The following TONSL variants were observed in gnomAD, a reference collection of about 807,000 sequenced individuals.
TONSL encodes the protein tonsoku like, DNA repair protein.
TONSL carries 112 observed loss-of-function variants against 147.1 expected under a neutral mutation model. The observed-to-expected ratio is 0.76, with a 90% confidence interval of 0.65 to 0.89. The LOEUF (loss-of-function observed/expected upper bound fraction) is 0.89, where lower values mean the gene tolerates loss of function less well. TONSL is among the 40% of genes least tolerant of loss of function. The pLI is 0.00. For missense variants in TONSL, 1,883 were observed against 1,864.6 expected (o/e 1.01, Z -0.18); for synonymous variants, 868 against 801.5 (o/e 1.08, Z -1.40).
rs1182659450 is a variant in TONSL at position 144,443,166 on chromosome 8, G to A, written c.420C>T (p.Ser140=). The stretch of plus-strand genomic sequence containing the variant: ...CCAGCTCCTCATCCACAATAGCCAA[G>A]CTCTTCTCAAAGGCAGCCTGTGCCT... ...LLQAQAAFEK[S]LAIVDEELEG... The change falls in exon 4 of 26, where the codon AGC becomes AGT. Residue 140 remains serine (S), a synonymous_variant. Transcript: ENST00000409379. 1.9e-6 allele frequency: 3 copies of A among 1,550,696 alleles called. No homozygotes were observed. In the Admixed American group the frequency reaches 5.9e-5, roughly 30 times the overall value.
At chr8:144,431,029 C>G in intron 24 of TONSL, 49 bp downstream of exon 24, 1 of 1,602,816 alleles carries the variant, frequency 6.2e-7, no homozygotes, top group Non-Finnish European at 8.5e-7. Context: ...GGGTCCAGAG[C>G]CATGAGATCA....
In TONSL at chr8:144,432,451, T is replaced by C; in HGVS notation, c.3569A>G (p.His1190Arg). Residue 1190 changes from histidine to arginine, a missense_variant, in exon 23 of 26, where the codon CAC becomes CGC. Physicochemically the swap from His to Arg is conservative, Grantham distance 29. Coordinates refer to ENST00000409379, the MANE Select transcript of TONSL (RefSeq NM_013432.5). ...ALGSAFQDAE[H>R]LKTLSLSYNA... ...GTAGGACAGGGACAGGGTCTTCAGG[T>C]GCTCAGCATCTGCACCGGGGCCAGA... 1.3e-6 allele frequency: 2 copies of C among 1,544,782 alleles called. No individual in the cohort carries two copies. Among genetic ancestry groups the C allele is most frequent in the Non-Finnish European group, 1.7e-6 (2 of 1,147,206 alleles).
chr8:144,441,151 G>T (rs747785886), intron 7 of TONSL, 40 bp from the exon 8 acceptor site: 3 of 1,603,872 alleles, frequency 1.9e-6, no homozygotes, highest in Non-Finnish European at 2.6e-6. Flanking sequence ...AGCACAGGGG[G>T]CCCTGACCCC....
In TONSL at chr8:144,430,511, ATGAG is replaced by A. The variant is rs1823142356; in HGVS notation, c.3832_3835del (p.Leu1278SerfsTer52). On this transcript the variant is annotated frameshift_variant, in exon 25 of 26. Transcript: ENST00000409379. LOFTEE classifies it high-confidence loss of function. Reference sequence around the variant, plus strand: ...AGGGTTGGCAGACAGATCCAGTGAGATGAGTGAGGGGCACAGAGAGAGACATCTG... The same window carrying A: ...AGGGTTGGCAGACAGATCCAGTGAGATGAGGGGCACAGAGAGAGACATCTG... The A allele has an allele frequency of 1.9e-6, 3 of 1,613,010 alleles. No homozygotes were observed. Among genetic ancestry groups the A allele is most frequent in the Non-Finnish European group, 2.5e-6 (3 of 1,179,576 alleles).
Position 144,436,669 on chromosome 8 carries a change from G to T in TONSL, c.1903C>A (p.Leu635Met). Residue 635 changes from leucine to methionine, a missense_variant, in exon 16 of 26, where the codon CTG becomes ATG. By Grantham distance (15) the Leu-to-Met change is conservative. Coordinates refer to ENST00000409379, the MANE Select transcript of TONSL (RefSeq NM_013432.5). ...TLRTRKGLSPLETLQQWVKLY... is the reference protein window; with the variant it reads ...TLRTRKGLSPMETLQQWVKLY... ...TTCACCCACTGCTGCAGCGTCTCCA[G>T]CGGGCTGAGGCCCTGTGTGGCATCA... is the stretch of plus-strand genomic sequence containing the variant. 1 of 1,612,076 alleles carries T rather than the reference G, an allele frequency of 6.2e-7. No individual in the cohort carries two copies.
At chr8:144,429,984 A>C (rs1554878282) in intron 25 of TONSL, among the ~76,000 whole-genome samples, 1 of 152,170 alleles carries the variant, frequency 6.6e-6, no homozygotes, top group Non-Finnish European at 1.5e-5. Context: ...GGCTCAAGAG[A>C]GAACAAGCTA....
Position 144,442,916 on chromosome 8 carries a change from C to T in TONSL, c.449-110G>A, listed in dbSNP as rs1239845857. 10 of 1,412,942 alleles carry T rather than the reference C, an allele frequency of 7.1e-6. No individual in the cohort carries two copies. In the African/African-American group the frequency reaches 8.7e-5, roughly 12 times the overall value. 87.5% of individuals were successfully genotyped at this position (1,412,942 alleles called of 1,614,324 possible). On this transcript the variant is annotated intron_variant, in intron 4 of 25. Coordinates refer to ENST00000409379, the MANE Select transcript of TONSL (RefSeq NM_013432.5). ...GCCTCTCCTACCCCCTCCCTCCTCC[C>T]GAGGTGGGTGCAAGTGTCCTGCGGC...
intron 7 of TONSL, 141 bp from the exon 8 acceptor site, chr8:144,441,252 G>A: frequency 1.6e-6 from 2 of 1,241,176 alleles, no homozygotes; most frequent in Non-Finnish European, 1.1e-6. Flanking sequence ...GTTAATAGCA[G>A]GGTCTATCTT....
Position 144,436,024 on chromosome 8 carries a change from C to G in TONSL, c.2409G>C (p.Gln803His). ...GCGGTGGGCCAGGCCCCAGCCGGCTCTGAGCACTGCCCACACCCCGGATGG... is the reference window on the plus strand; with the variant it reads ...GCGGTGGGCCAGGCCCCAGCCGGCTGTGAGCACTGCCCACACCCCGGATGG... Reference protein sequence around the residue: ...QAAIRGVGSAQSRLGPGPPRG... With the variant: ...QAAIRGVGSAHSRLGPGPPRG... Residue 803 changes from glutamine to histidine, a missense_variant, in exon 17 of 26, where the codon CAG (glutamine) becomes CAC (histidine). Gln to His is a conservative substitution (Grantham distance 24). Transcript: ENST00000409379. 2 of 1,562,518 alleles carry G rather than the reference C, an allele frequency of 1.3e-6. No individual in the cohort carries two copies. The highest frequency in any genetic ancestry group is 1.7e-6 in the Non-Finnish European group (2 of 1,158,430).
At chr8:144,436,711 G>A (rs1194797522) in intron 15 of TONSL, 30 bp from the exon 16 acceptor site, 19 of 1,611,196 alleles carry the variant, frequency 1.2e-5, no homozygotes, top group Non-Finnish European at 1.6e-5. Flanking sequence ...CAGGGGCACA[G>A]CAGCCCCCAT....
At position 144,442,160 on chromosome 8, in the gene TONSL, C is replaced by A. The variant is rs1823744487; in HGVS notation, c.751-9G>T. Reference sequence around the variant, plus strand: ...CCCAGGTCTTGGAGGACCTGGAGAGCAAAGGACAGCAAAGGTTTTGCAGAA... The same window carrying A: ...CCCAGGTCTTGGAGGACCTGGAGAGAAAAGGACAGCAAAGGTTTTGCAGAA... On this transcript the variant is annotated splice_polypyrimidine_tract_variant and intron_variant, in intron 6 of 25. Coordinates refer to ENST00000409379, the MANE Select transcript of TONSL (RefSeq NM_013432.5). 1 of 1,605,458 alleles carries A rather than the reference C, an allele frequency of 6.2e-7. No individual in the cohort carries two copies. Among genetic ancestry groups the A allele is most frequent in the Non-Finnish European group, 8.5e-7 (1 of 1,175,574 alleles).
intron 18 of TONSL, 135 bp downstream of exon 18, chr8:144,435,339 T>C (rs909380361): frequency 8.1e-7 from 1 of 1,230,380 alleles, no homozygotes; most frequent in Admixed American, 2.8e-5. Context: ...CCCTCTGCTA[T>C]TCCTGGGGGC....
rs201395774 is a variant in TONSL, at chr8:144,436,999, C to T, written c.1726+28G>A. On this transcript the variant is annotated intron_variant, in intron 14 of 25. Coordinates refer to ENST00000409379, the MANE Select transcript of TONSL (RefSeq NM_013432.5). ...TTCGCCCCACGTGTCCACCAAGGTG[C>T]GCCAGGCTCCTTCTGTCCCTTGCTC... 8 of 1,612,860 alleles carry T rather than the reference C, an allele frequency of 5.0e-6. No homozygotes were observed. The South Asian group carries it at 6.6e-5, about 13-fold the overall frequency.
intron 23 of TONSL, among the ~76,000 whole-genome samples, chr8:144,431,438 G>T (rs545639760): frequency 2.7e-3 from 409 of 152,306 alleles, no homozygotes; most frequent in African/African-American, 9.4e-3. Context: ...CCTGAGTCCC[G>T]GGTCCTATCT....
At chr8:144,430,315 G>C in intron 25 of TONSL, 89 bp downstream of exon 25, 1 of 1,391,194 alleles carries the variant, frequency 7.2e-7, no homozygotes, top group East Asian at 2.7e-5. Context: ...TGGTAGCAGT[G>C]ACAGCCCCTT....
rs79379836 is a variant in TONSL at position 144,436,788 on chromosome 8, C to T, written c.1859G>A (p.Arg620Gln). ...HFEVAELLLE[R>Q]GASVTLRTRK... ...AGTGCGGAGGGTGACGGACGCCCCCCGTTCAAGCAGCAGCTCAGCCACCTC... is the reference window on the plus strand; with the variant it reads ...AGTGCGGAGGGTGACGGACGCCCCCTGTTCAAGCAGCAGCTCAGCCACCTC... The change falls in exon 15 of 26, where the codon CGG (arginine) becomes CAG (glutamine). Residue 620 changes from arginine to glutamine, a missense_variant. Coordinates refer to ENST00000409379, the MANE Select transcript of TONSL (RefSeq NM_013432.5). 36 of 1,611,310 alleles carry T rather than the reference C, an allele frequency of 2.2e-5. No homozygotes were observed. The highest frequency in any genetic ancestry group is 4.0e-5 in the African/African-American group (3 of 74,930).
chr8:144,430,596 C>A, intron 24 of TONSL, 59 bp from the exon 25 acceptor site: 1 of 1,539,554 alleles, frequency 6.5e-7, no homozygotes, highest in Non-Finnish European at 8.8e-7. Flanking sequence ...TGCCCCAACA[C>A]TAGGAAAGCT....
intron 25 of TONSL, 62 bp from the exon 26 acceptor site, chr8:144,429,398 G>A (rs782531272): frequency 1.3e-5 from 17 of 1,339,234 alleles, no homozygotes; most frequent in Non-Finnish European, 1.5e-5. Context: ...TGGTGCCCGC[G>A]GCAGGCTCCA....
Position 144,436,270 on chromosome 8 carries a change from C to T in TONSL, c.2163G>A (p.Gly721=), listed in dbSNP as rs1427423049. 6.6e-7 allele frequency: 1 copy of T among 1,519,330 alleles called. No individual in the cohort carries two copies. Among genetic ancestry groups the T allele is most frequent in the South Asian group, 1.3e-5 (1 of 78,592 alleles). The allele number at this position is 1,519,330 out of a possible 1,614,324, so 94.1% of individuals were successfully genotyped here. A position where few individuals can be genotyped will look rare whatever the true frequency, so the allele number is the denominator to read the frequency against. The change falls in exon 17 of 26, where the codon GGG becomes GGA. Residue 721 remains glycine, a synonymous_variant. Coordinates refer to ENST00000409379, the MANE Select transcript of TONSL (RefSeq NM_013432.5). ...ASQAHVRVSP[G]QAAPAMARPR... is the part of the protein sequence containing the mutation. ...GCCTGGCCATGGCTGGTGCCGCCTG[C>T]CCTGGGGAGACCCTGACATGGGCCT...
Sources: gnomAD v4.1 joint callset for allele counts (sites outside exome capture counted in the v4.1 genomes callset) on GRCh38, gnomAD v4.1.1 for gene constraint, MANE v1.5 for transcripts, NCBI Gene and HGNC (gene_info 2026-07-23, HGNC 2026-07-21) for gene names.